Variants in CLIC5 observed in about 807,000 individuals in gnomAD.
The protein encoded by CLIC5 is chloride intracellular channel protein 5.
CLIC5 carries 20 observed loss-of-function variants against 24.7 expected under a neutral mutation model. That is an observed-to-expected ratio of 0.81 (90% CI 0.57 to 1.18). The LOEUF is 1.18. Ranked by LOEUF, CLIC5 falls within the 50% of genes most tolerant of loss-of-function variation. The pLI, the probability that CLIC5 is intolerant of heterozygous loss-of-function variation, is 0.00. For missense variants in CLIC5, 341 were observed against 326.1 expected (o/e 1.05, Z -0.35); for synonymous variants, 159 against 135.6 (o/e 1.17, Z -1.20).
At chr6:46,114,190 G>A in the CLIC5 span, among the ~76,000 whole-genome samples, 2 of 152,164 alleles carry the variant, frequency 1.3e-5, no homozygotes, top group African/African-American at 4.8e-5. Flanking sequence ...GAAGTTCCCA[G>A]CTCTGCTTTA....
chr6:46,075,824 A>G (rs7758638), intron 1 of CLIC5, among the ~76,000 whole-genome samples: 43,638 of 152,038 alleles, frequency 0.29, 6,893 homozygotes, highest in Middle Eastern at 0.38. Context: ...ATTAGCGAAT[A>G]TCAGCTTTCT....
At chr6:45,950,890 T>C (rs1039944651) in intron 2 of CLIC5, among the ~76,000 whole-genome samples, 7 of 152,182 alleles carry the variant, frequency 4.6e-5, no homozygotes, top group African/African-American at 1.7e-4. Flanking sequence ...AAAAATTCTG[T>C]TCAACATACA....
At chr6:45,938,459 T>A (rs9357496) in intron 4 of CLIC5, among the ~76,000 whole-genome samples, 12,831 of 152,074 alleles carry the variant, frequency 0.084, 1,147 homozygotes, top group East Asian at 0.37. Context: ...AGGGAAGGAA[T>A]GTGTGGTGTC....
At chr6:46,086,362 G>A in the CLIC5 span, among the ~76,000 whole-genome samples, 186 of 152,366 alleles carry the variant, frequency 1.2e-3, no homozygotes, top group African/African-American at 4.3e-3. Context: ...CTGTAGACCG[G>A]AGCTGTTGCT....
Position 46,015,572 on chromosome 6 carries a change from G to A in CLIC5, c.-30C>T, listed in dbSNP as rs374940222. On this transcript the variant is annotated 5_prime_UTR_variant, in exon 1 of 6. Transcript: ENST00000339561. ...TTGGCGCCCGGGGCTACCGTCCCGG[G>A]CCGGGGAGGCGCCACCTCTGCAGCA... 78 of 1,538,890 alleles carry A rather than the reference G, an allele frequency of 5.1e-5. No homozygotes were observed. Among genetic ancestry groups the A allele is most frequent in the Non-Finnish European group, 6.5e-5 (74 of 1,143,244 alleles).
chr6:45,963,546 A>G (rs1033011977), intron 1 of CLIC5, among the ~76,000 whole-genome samples: 6 of 151,844 alleles, frequency 4.0e-5, no homozygotes, highest in Non-Finnish European at 7.4e-5. Context: ...CTTCTCCTCC[A>G]TGCTTGGTGC....
intron 1 of CLIC5, among the ~76,000 whole-genome samples, chr6:46,065,982 T>A (rs542223950): frequency 6.6e-5 from 10 of 152,144 alleles, no homozygotes; most frequent in Non-Finnish European, 1.3e-4. Context: ...TGCATTTGTG[T>A]CAAATAAAAT....
intron 4 of CLIC5, among the ~76,000 whole-genome samples, chr6:45,939,217 C>CT (rs34976541): frequency 0.084 from 9,689 of 115,778 alleles, 1,025 homozygotes; most frequent in African/African-American, 0.18. Flanking sequence ...CTCCTCTCCT[C>CT]TTTTTTTTTT....
chr6:45,967,246 A>G (rs1765046260), intron 1 of CLIC5, among the ~76,000 whole-genome samples: 1 of 152,178 alleles, frequency 6.6e-6, no homozygotes, highest in Non-Finnish European at 1.5e-5. Flanking sequence ...GGGCATCTTT[A>G]CCAAGGGCCA....
At chr6:45,960,625 G>C (rs1764813974) in intron 1 of CLIC5, among the ~76,000 whole-genome samples, 1 of 152,180 alleles carries the variant, frequency 6.6e-6, no homozygotes, top group African/African-American at 2.4e-5. Flanking sequence ...CAGCACTCTT[G>C]ACACAGAAAC....
chr6:46,074,857 G>T (rs1333874747), intron 1 of CLIC5, among the ~76,000 whole-genome samples: 1 of 152,192 alleles, frequency 6.6e-6, no homozygotes, highest in African/African-American at 2.4e-5. Context: ...CAAGGATGAA[G>T]AAATTTGGGT....
chr6:46,122,536 C>A, the CLIC5 span, among the ~76,000 whole-genome samples: 1 of 152,154 alleles, frequency 6.6e-6, no homozygotes, highest in East Asian at 1.9e-4. Context: ...GAAGAAAGAG[C>A]AGACACATTC....
At chr6:46,081,905 C>T (rs957691380), upstream of CLIC5, among the ~76,000 whole-genome samples, 1 of 152,188 alleles carries the variant, frequency 6.6e-6, no homozygotes, top group African/African-American at 2.4e-5. Flanking sequence ...TGATCACACA[C>T]TGTCCCTTCC....
At chr6:46,074,337 T>C (rs1298855716) in intron 1 of CLIC5, among the ~76,000 whole-genome samples, 2 of 152,210 alleles carry the variant, frequency 1.3e-5, no homozygotes, top group Admixed American at 6.5e-5. Flanking sequence ...TTGAATACCA[T>C]GACCCCTATA....
At chr6:46,082,074 TGG>T (rs745697816), upstream of CLIC5, among the ~76,000 whole-genome samples, 3 of 152,202 alleles carry the variant, frequency 2.0e-5, no homozygotes, top group East Asian at 5.8e-4. Context: ...TTTCACCCCT[TGG>T]GGGGTGACAC....
intron 5 of CLIC5, among the ~76,000 whole-genome samples, chr6:45,905,096 T>C (rs1762621033): frequency 6.6e-6 from 1 of 152,234 alleles, no homozygotes; most frequent in East Asian, 1.9e-4. Context: ...ATGATGTATA[T>C]GTACCATGTT....
chr6:45,989,028 C>G (rs891952791), intron 1 of CLIC5, among the ~76,000 whole-genome samples: 2 of 152,212 alleles, frequency 1.3e-5, no homozygotes, highest in Admixed American at 1.3e-4. Flanking sequence ...TCTTCTGCCC[C>G]CATGGCTAGA....
Position 45,899,577 on chromosome 6 carries a change from C to T in CLIC5, c.*3511G>A, listed in dbSNP as rs1762458657. 1 of 152,342 alleles carries T rather than the reference C, an allele frequency of 6.6e-6. No individual in the cohort carries two copies. The highest frequency in any genetic ancestry group is 1.5e-5 in the Non-Finnish European group (1 of 68,152). 9.4% of individuals were successfully genotyped at this position (152,342 alleles called of 1,614,324 possible). ...TCTCTCTTAGTTCTATTTGTCCAGG[C>T]CTTGCTGATTTCTGGGACTCTCATA... is the stretch of plus-strand genomic sequence containing the variant. On this transcript the variant is annotated 3_prime_UTR_variant, in exon 6 of 6. Coordinates refer to ENST00000339561, the MANE Select transcript of CLIC5 (RefSeq NM_016929.5).
chr6:46,044,148 T>C (rs1767891177), intron 1 of CLIC5, among the ~76,000 whole-genome samples: 1 of 152,244 alleles, frequency 6.6e-6, no homozygotes, highest in Non-Finnish European at 1.5e-5. Flanking sequence ...GGTAGTCACC[T>C]GTGAATGCTT....
Sources: gnomAD v4.1 joint callset for allele counts (sites outside exome capture counted in the v4.1 genomes callset) on GRCh38, gnomAD v4.1.1 for gene constraint, MANE v1.5 for transcripts, NCBI Gene and HGNC (gene_info 2026-07-23, HGNC 2026-07-21) for gene names.